Variants in ZNF234 observed in about 807,000 individuals in gnomAD.
The protein encoded by ZNF234 is zinc finger protein 234.
ZNF234 carries 4 observed loss-of-function variants against 10.3 expected under a neutral mutation model. The observed-to-expected ratio is 0.39, with a 90% CI of 0.19 to 0.89. The LOEUF (loss-of-function observed/expected upper bound fraction) is 0.89, where lower values mean the gene tolerates loss of function less well. Ranked by LOEUF, ZNF234 falls within the 40% of genes least tolerant of loss-of-function variation. ZNF234 has a pLI of 0.38. For missense variants in ZNF234, 711 were observed against 836.1 expected (o/e 0.85, Z 1.85); for synonymous variants, 258 against 280.1 (o/e 0.92, Z 0.79).
At chr19:44,150,598 A>G (rs1968717073) in intron 5 of ZNF234, 93 bp downstream of exon 5, 4 of 1,019,802 alleles carry the variant, frequency 3.9e-6, no homozygotes, top group Non-Finnish European at 2.9e-6. Flanking sequence ...CCAAATTGCC[A>G]AACCTCTGTC....
At chr19:44,150,593 T>C (rs1968716885) in intron 5 of ZNF234, 88 bp downstream of exon 5, 2 of 1,079,974 alleles carry the variant, frequency 1.9e-6, no homozygotes, top group African/African-American at 3.2e-5. Flanking sequence ...CGGGTCCAAA[T>C]TGCCAAACCT....
chr19:44,148,540 C>T (rs573059058), intron 3 of ZNF234, among the ~76,000 whole-genome samples: 2 of 152,218 alleles, frequency 1.3e-5, no homozygotes, highest in South Asian at 4.1e-4. Context: ...CAAATAGACT[C>T]AGTGAAGCCA....
chr19:44,153,160 T>TATATATATATATATATA (rs1568552108), intron 5 of ZNF234, among the ~76,000 whole-genome samples: 5 of 64,914 alleles, frequency 7.7e-5, no homozygotes, highest in African/African-American at 4.1e-4. Context: ...TAATCATGTA[T>TATATATATATATATATA]TCATCATATA....
In ZNF234 at chr19:44,158,137, G is replaced by C. The variant is rs761401722; in HGVS notation, c.*18G>C. On this transcript the variant is annotated 3_prime_UTR_variant, in exon 6 of 6. Coordinates refer to ENST00000426739, the MANE Select transcript of ZNF234 (RefSeq NM_006630.3). ...CAAGGTGATTAAAAAAAAAAAAACAGAACTCATGTACAACCTGAATGCTTG... is the reference window on the plus strand; with the variant it reads ...CAAGGTGATTAAAAAAAAAAAAACACAACTCATGTACAACCTGAATGCTTG... 6.9e-5 allele frequency: 98 copies of C among 1,416,112 alleles called. No homozygotes were observed. The highest frequency in any genetic ancestry group is 7.2e-5 in the Non-Finnish European group (75 of 1,038,894). 87.7% of individuals were successfully genotyped at this position (1,416,112 alleles called of 1,614,324 possible).
chr19:44,152,933 T>C (rs1301592376), intron 5 of ZNF234, among the ~76,000 whole-genome samples: 1 of 152,092 alleles, frequency 6.6e-6, no homozygotes, highest in Non-Finnish European at 1.5e-5. Context: ...TGTGCTTTTA[T>C]TTTCTACAAA....
At chr19:44,150,746 A>G (rs4803686) in intron 5 of ZNF234, among the ~76,000 whole-genome samples, 21,400 of 152,082 alleles carry the variant, frequency 0.14, 3,645 homozygotes, top group African/African-American at 0.4. Flanking sequence ...CCATTCCTCT[A>G]CTTAAGACCT....
chr19:44,155,365 A>G (rs982980683), intron 5 of ZNF234, among the ~76,000 whole-genome samples: 1 of 152,228 alleles, frequency 6.6e-6, no homozygotes, highest in African/African-American at 2.4e-5. Flanking sequence ...CTCATGGCCT[A>G]CTTTGACTGA....
rs1443745011 is a variant in ZNF234, at chr19:44,156,944, C to T, written c.928C>T (p.His310Tyr). The T allele has an allele frequency of 6.2e-7, 1 of 1,614,166 alleles. No homozygotes were observed. The change falls in exon 6 of 6, where the codon CAC (histidine) becomes TAC (tyrosine). Residue 310 changes from histidine (H) to tyrosine (Y), a missense_variant. By Grantham distance (83) the His-to-Tyr change is moderately conservative. Transcript: ENST00000426739. Reference protein sequence around the residue: ...RSALNNHCMVHTGEKPYKCED... With the variant: ...RSALNNHCMVYTGEKPYKCED... ...AGCACTTAATAATCATTGCATGGTCCACACAGGAGAGAAACCATACAAATG... is the reference window on the plus strand; with the variant it reads ...AGCACTTAATAATCATTGCATGGTCTACACAGGAGAGAAACCATACAAATG...
intron 4 of ZNF234, among the ~76,000 whole-genome samples, chr19:44,149,503 T>C (rs1429858667): frequency 1.3e-5 from 2 of 152,180 alleles, no homozygotes; most frequent in Non-Finnish European, 2.9e-5. Context: ...GATGTAACAG[T>C]TTTTCTGTTG....
intron 5 of ZNF234, among the ~76,000 whole-genome samples, chr19:44,154,933 T>C (rs887109867): frequency 3.3e-5 from 5 of 152,190 alleles, no homozygotes; most frequent in Non-Finnish European, 7.3e-5. Flanking sequence ...CACTGCACCC[T>C]GCCAAGAGGC....
rs1968987707 is a variant in ZNF234, at chr19:44,159,479, GA to G, written c.*1362del. 1.2e-5 allele frequency: 4 copies of G among 332,284 alleles called. No individual in the cohort carries two copies. Among genetic ancestry groups the G allele is most frequent in the South Asian group, 9.3e-5 (4 of 42,866 alleles). The allele number at this position is 332,284 out of a possible 1,614,324, so 20.6% of individuals were successfully genotyped here. Reference sequence around the variant, plus strand: ...GTAAGCCACCACACCCGGCCAAGTTGAAGTATATTTTGTGATTTTTCTGACA... The same window carrying G: ...GTAAGCCACCACACCCGGCCAAGTTGAGTATATTTTGTGATTTTTCTGACA... On this transcript the variant is annotated 3_prime_UTR_variant, in exon 6 of 6. Transcript: ENST00000426739.
intron 3 of ZNF234, among the ~76,000 whole-genome samples, chr19:44,145,838 T>C (rs1486636467): frequency 6.6e-6 from 1 of 152,270 alleles, no homozygotes; most frequent in East Asian, 1.9e-4. Context: ...TATTTACTAG[T>C]GTCTTATTGC....
rs139878140 is a variant in ZNF234, at chr19:44,146,080, G to T, written c.15+1433G>T. On this transcript the variant is annotated intron_variant, in intron 3 of 5. Transcript: ENST00000426739. ...GAAACATTAGCCATTCCATTTAAGT[G>T]AAAGTGAGAGACAAAAGGAAACAAA... is the stretch of plus-strand genomic sequence containing the variant. 5.0e-3 allele frequency among the ~76,000 whole-genome samples: 767 copies of T among 152,270 alleles called. 9 individuals are homozygous for T. The highest frequency in any genetic ancestry group is 0.017 in the African/African-American group (711 of 41,556).
chr19:44,148,997 A>C, intron 4 of ZNF234, 100 bp downstream of exon 4: 2 of 1,407,726 alleles, frequency 1.4e-6, no homozygotes, highest in Non-Finnish European at 1.9e-6. Flanking sequence ...AGTCGCCTAC[A>C]TTTGTAGACC....
rs1300525263 is a variant in ZNF234, at chr19:44,156,474, A to G, written c.458A>G (p.Tyr153Cys). 1 of 1,613,982 alleles carries G rather than the reference A, an allele frequency of 6.2e-7. No homozygotes were observed. Among genetic ancestry groups the G allele is most frequent in the African/African-American group, 1.3e-5 (1 of 74,948 alleles). The change falls in exon 6 of 6, where the codon TAC (tyrosine) becomes TGC (cysteine). Residue 153 changes from tyrosine to cysteine, a missense_variant. Tyr to Cys is a radical substitution (Grantham distance 194). Coordinates refer to ENST00000426739, the MANE Select transcript of ZNF234 (RefSeq NM_006630.3). ...TGQKFYQCDE[Y>C]KKSFTDVFNF... ...CAGAAATTTTACCAATGTGATGAGT[A>G]CAAAAAATCCTTCACTGATGTCTTC...
At chr19:44,154,311 T>G (rs1260990328) in intron 5 of ZNF234, among the ~76,000 whole-genome samples, 1 of 41,104 alleles carries the variant, frequency 2.4e-5, no homozygotes, top group Non-Finnish European at 3.8e-5. Context: ...TCTTTTTCAC[T>G]TTTTTTTTTT....
chr19:44,156,750 C>G lies in ZNF234; in HGVS notation c.734C>G (p.Ser245Ter). 6.2e-7 allele frequency: 1 copy of G among 1,613,794 alleles called. No individual in the cohort carries two copies. The highest frequency in any genetic ancestry group is 8.5e-7 in the Non-Finnish European group (1 of 1,179,852). ...TGTGGGAAAGGCTTCAGTCGTAGAT[C>G]AACACTTACTGTACATTGCAAATTA... Reference protein sequence around the residue: ...VECGKGFSRRSTLTVHCKLHS... With the variant: ...VECGKGFSRR Residue 245 changes from serine to a stop codon, truncating the protein, a stop_gained, in exon 6 of 6, where the codon TCA becomes TGA. Transcript: ENST00000426739. LOFTEE classifies it low-confidence loss of function (END_TRUNC).
chr19:44,154,545 A>C (rs1419511697), intron 5 of ZNF234, among the ~76,000 whole-genome samples: 2 of 152,056 alleles, frequency 1.3e-5, no homozygotes, highest in Admixed American at 6.5e-5. Context: ...TTTCCAATAA[A>C]ATGACTCAGG....
chr19:44,157,691 CA>C lies in ZNF234; in HGVS notation c.1680del (p.Val561SerfsTer21). The C allele has an allele frequency of 6.2e-7, 1 of 1,613,912 alleles. No individual in the cohort carries two copies. The highest frequency in any genetic ancestry group is 8.5e-7 in the Non-Finnish European group (1 of 1,179,994). ...TCGGAGTGCACACCTTCAAGCCCAT[CA>C]AAAAGTCCACACTGGAGAAAAGCCA... ...FSRSAHLQAHQKVHTGEKPYK... is the reference protein window; with the variant it reads ...FSRSAHLQAHXKVHTGEKPYK... On this transcript the variant is annotated frameshift_variant, in exon 6 of 6. Coordinates refer to ENST00000426739, the MANE Select transcript of ZNF234 (RefSeq NM_006630.3). LOFTEE classifies it low-confidence loss of function (END_TRUNC).
Sources: allele counts gnomAD v4.1 joint callset (sites outside exome capture counted in the v4.1 genomes callset), GRCh38; gene constraint gnomAD v4.1.1; transcripts MANE v1.5; gene names NCBI Gene and HGNC (gene_info 2026-07-23, HGNC 2026-07-21).